Variants in LRSAM1 observed in about 807,000 individuals in gnomAD.
LRSAM1 encodes leucine rich repeat and sterile alpha motif containing 1.
LRSAM1 carries 96 observed loss-of-function variants against 118.1 expected under a neutral mutation model. That is an observed-to-expected ratio of 0.81 (90% CI 0.69 to 0.96). The LOEUF (loss-of-function observed/expected upper bound fraction) is 0.96. Ranked by LOEUF, LRSAM1 falls within the 40% of genes least tolerant of loss-of-function variation. The probability of loss-of-function intolerance (pLI) is 0.00; values close to 1 mark genes in which losing one functional copy is unlikely to be tolerated. For synonymous variants in LRSAM1, 322 were observed against 364.2 expected, an observed-to-expected ratio of 0.88 and a Z score of 1.32; for missense variants, 804 against 915.5, an observed-to-expected ratio of 0.88 and a Z score of 1.57.
chr9:127,472,330 GT>G (rs1424850829), intron 10 of LRSAM1, among the ~76,000 whole-genome samples: 2 of 151,564 alleles, frequency 1.3e-5, no homozygotes, highest in Non-Finnish European at 2.9e-5. Flanking sequence ...TGTAAAATTT[GT>G]TTTTTGACCT....
In LRSAM1 at chr9:127,480,089, C is replaced by T. The variant is rs1264527902; in HGVS notation, c.1043+111C>T. ...CTGCCTCTGCCCCTGCCCCGGGCTT[C>T]CCTTGTCAGGATCCAGTCTGGGTGC... On this transcript the variant is annotated intron_variant, in intron 14 of 25. Coordinates refer to ENST00000300417, the MANE Select transcript of LRSAM1 (RefSeq NM_001005373.4). 4 of 1,457,800 alleles carry T rather than the reference C, an allele frequency of 2.7e-6. No individual in the cohort carries two copies. The East Asian group carries it at 9.4e-5, about 34-fold the overall frequency. 90.3% of individuals were successfully genotyped at this position (1,457,800 alleles called of 1,614,324 possible).
intron 10 of LRSAM1, among the ~76,000 whole-genome samples, chr9:127,469,434 C>T (rs933848071): frequency 4.6e-5 from 7 of 151,216 alleles, no homozygotes; most frequent in East Asian, 3.9e-4. Context: ...TGTGCCACTG[C>T]ACTCCAGTCT....
intron 15 of LRSAM1, among the ~76,000 whole-genome samples, chr9:127,481,943 TAA>T (rs1022180142): frequency 2.2e-5 from 3 of 136,614 alleles, no homozygotes; most frequent in Non-Finnish European, 4.8e-5. Context: ...TGGTTCCAGC[TAA>T]AAAAAAAAAG....
rs1224726538 is a variant in LRSAM1 at position 127,489,427 on chromosome 9, G to A, written c.1348-17G>A. ...GTGGGCACGGCCCCTGCTGAGGGCT[G>A]GTGGTCTGTGTTGCAGAGCGCGATG... On this transcript the variant is annotated splice_polypyrimidine_tract_variant and intron_variant, in intron 18 of 25. Coordinates refer to ENST00000300417, the MANE Select transcript of LRSAM1 (RefSeq NM_001005373.4). The A allele has an allele frequency of 1.2e-6, 2 of 1,601,482 alleles. No individual in the cohort carries two copies. The highest frequency in any genetic ancestry group is 1.7e-5 in the Admixed American group (1 of 57,694).
Position 127,502,933 on chromosome 9 carries a change from C to G in LRSAM1, c.*34C>G. On this transcript the variant is annotated 3_prime_UTR_variant, in exon 26 of 26. Transcript: ENST00000300417. ...CGCCCACCTGGGCCTGGTCCTAGCC[C>G]TGCCTCGGCCACTGTGAGCCCCGGG... is the stretch of plus-strand genomic sequence containing the variant. The G allele has an allele frequency of 6.4e-7, 1 of 1,566,932 alleles. No homozygotes were observed. The highest frequency in any genetic ancestry group is 8.6e-7 in the Non-Finnish European group (1 of 1,157,304).
chr9:127,457,858 G>A (rs1348270419), intron 6 of LRSAM1, among the ~76,000 whole-genome samples: 1 of 152,118 alleles, frequency 6.6e-6, no homozygotes, highest in Admixed American at 6.5e-5. Context: ...AGAGGAGGCC[G>A]GCAGCACAGG....
rs745370953 is a variant in LRSAM1, at chr9:127,452,055, C to T, written c.-62C>T. 2 of 152,186 alleles carry T rather than the reference C, an allele frequency of 1.3e-5. No individual in the cohort carries two copies. The highest frequency in any genetic ancestry group is 2.9e-5 in the Non-Finnish European group (2 of 68,052). 9.4% of individuals were successfully genotyped at this position (152,186 alleles called of 1,614,324 possible). A position where few individuals can be genotyped will look rare whatever the true frequency, so the allele number is the denominator to read the frequency against. On this transcript the variant is annotated 5_prime_UTR_variant, in exon 2 of 26. The change creates a new upstream start codon in the 5' untranslated region. Transcript: ENST00000300417. ...CCTCGGGTGCACCCGCGGGTCCCAA[C>T]GTGGGGGATCCCTCCATCCGCAAAG...
chr9:127,500,995 G>C lies in LRSAM1; in HGVS notation c.1913-15G>C. The C allele has an allele frequency of 6.2e-7, 1 of 1,613,868 alleles. No homozygotes were observed. ...GAGATGACCCTGGCTCAGTCTGTCTGTCTGGTCCCCACAGAGCTGAAACCA... is the reference window on the plus strand; with the variant it reads ...GAGATGACCCTGGCTCAGTCTGTCTCTCTGGTCCCCACAGAGCTGAAACCA... On this transcript the variant is annotated splice_polypyrimidine_tract_variant and intron_variant, in intron 24 of 25. Coordinates refer to ENST00000300417, the MANE Select transcript of LRSAM1 (RefSeq NM_001005373.4).
At chr9:127,488,746 G>C (rs930289324) in intron 18 of LRSAM1, among the ~76,000 whole-genome samples, 1 of 151,226 alleles carries the variant, frequency 6.6e-6, no homozygotes, top group Non-Finnish European at 1.5e-5. Flanking sequence ...GGGCCACCAT[G>C]CCCAGCTAAT....
At chr9:127,467,550 A>C (rs181350540) in intron 9 of LRSAM1, among the ~76,000 whole-genome samples, 190 bp from the exon 10 acceptor site, 1 of 152,352 alleles carries the variant, frequency 6.6e-6, no homozygotes, top group East Asian at 1.9e-4. Flanking sequence ...AGGGCATCAC[A>C]CTGCCTGCCT....
intron 20 of LRSAM1, among the ~76,000 whole-genome samples, chr9:127,491,770 C>T (rs894310115): frequency 2.0e-5 from 3 of 152,208 alleles, no homozygotes; most frequent in South Asian, 2.1e-4. Context: ...GGGAGTCCTG[C>T]GCACACAGAT....
chr9:127,496,538 T>A (rs1169900767), intron 23 of LRSAM1, among the ~76,000 whole-genome samples: 2 of 152,244 alleles, frequency 1.3e-5, no homozygotes, highest in Non-Finnish European at 2.9e-5. Context: ...CAGCTAACTT[T>A]GTAGCACCTG....
At chr9:127,461,828 T>A (rs1164203498) in intron 8 of LRSAM1, among the ~76,000 whole-genome samples, 1 of 152,232 alleles carries the variant, frequency 6.6e-6, no homozygotes, top group African/African-American at 2.4e-5. Context: ...CTCCTGGCTG[T>A]CCTTAAGCAC....
chr9:127,490,176 T>TGGGAG (rs1564278238), intron 19 of LRSAM1, among the ~76,000 whole-genome samples: 1 of 152,252 alleles, frequency 6.6e-6, no homozygotes, highest in Non-Finnish European at 1.5e-5. Context: ...CGTCAGGCTA[T>TGGGAG]GGGAGTACTC....
At chr9:127,487,603 C>T in intron 17 of LRSAM1, 73 bp from the exon 18 acceptor site, 1 of 1,425,932 alleles carries the variant, frequency 7.0e-7, no homozygotes, top group East Asian at 2.4e-5. Flanking sequence ...TTGATCTCCT[C>T]CAAGGGGCCT....
chr9:127,467,697 C>T (rs369816812), intron 9 of LRSAM1, 43 bp from the exon 10 acceptor site: 250 of 1,554,724 alleles, frequency 1.6e-4, no homozygotes, highest in Middle Eastern at 3.3e-4. Context: ...TCTCCGGTTG[C>T]GTTGGTAGCG....
intron 9 of LRSAM1, among the ~76,000 whole-genome samples, chr9:127,463,657 A>G (rs928443397): frequency 6.6e-6 from 1 of 152,074 alleles, no homozygotes; most frequent in African/African-American, 2.4e-5. Flanking sequence ...TGCTATCTCC[A>G]CATACAGCCA....
chr9:127,457,594 C>T (rs2131998068), intron 6 of LRSAM1, among the ~76,000 whole-genome samples: 2 of 152,306 alleles, frequency 1.3e-5, no homozygotes, highest in Admixed American at 1.3e-4. Flanking sequence ...AGCCACAGGC[C>T]CTGTCCCTGG....
intron 6 of LRSAM1, among the ~76,000 whole-genome samples, chr9:127,458,722 TGG>T (rs1232785856): frequency 6.6e-6 from 1 of 152,242 alleles, no homozygotes; most frequent in Non-Finnish European, 1.5e-5. Flanking sequence ...ATTTATACAA[TGG>T]AGTGTTTCTT....
Sources: gnomAD v4.1 joint callset for allele counts (sites outside exome capture counted in the v4.1 genomes callset) on GRCh38, gnomAD v4.1.1 for gene constraint, MANE v1.5 for transcripts, NCBI Gene and HGNC (gene_info 2026-07-23, HGNC 2026-07-21) for gene names.